Variants in SEC14L1 observed in about 807,000 individuals in gnomAD.
SEC14L1 encodes SEC14-like protein 1.
Under a neutral mutation model 85.3 loss-of-function variants are expected in SEC14L1, and 48 were observed. The ratio of observed to expected loss-of-function variants is 0.56; its 90% CI spans 0.45 to 0.72. The LOEUF (loss-of-function observed/expected upper bound fraction) is 0.72. Among genes scored for constraint, SEC14L1 ranks in the 30% least tolerant of loss-of-function variants. The pLI, the probability that SEC14L1 is intolerant of heterozygous loss-of-function variation, is 0.00. For missense variants in SEC14L1, 682 were observed against 921.4 expected (o/e 0.74, Z 3.36); for synonymous variants, 391 against 355.5 (o/e 1.10, Z -1.12).
chr17:77,205,540 G>GT (rs1976421337), intron 11 of SEC14L1, among the ~76,000 whole-genome samples, 194 bp downstream of exon 11: 1 of 152,194 alleles, frequency 6.6e-6, no homozygotes, highest in Non-Finnish European at 1.5e-5. Flanking sequence ...TTGCTGTGAC[G>GT]TCAGCCAGAG....
intron 3 of SEC14L1, among the ~76,000 whole-genome samples, chr17:77,125,541 C>T (rs928456910): frequency 3.3e-5 from 5 of 151,962 alleles, no homozygotes; most frequent in Admixed American, 6.6e-5. Flanking sequence ...CATTAAGAAT[C>T]ATCCAGGTTA....
chr17:77,132,219 G>A (rs1490060852), intron 3 of SEC14L1, among the ~76,000 whole-genome samples: 1 of 149,960 alleles, frequency 6.7e-6, no homozygotes, highest in African/African-American at 2.5e-5. Flanking sequence ...CCTTTATTCT[G>A]CATGGAATTT....
chr17:77,202,173 T>C (rs976084163), intron 9 of SEC14L1, among the ~76,000 whole-genome samples: 1 of 152,126 alleles, frequency 6.6e-6, no homozygotes, highest in Non-Finnish European at 1.5e-5. Context: ...CGGCACCCAT[T>C]AGACCTCCAG....
At chr17:77,205,471 T>G in intron 11 of SEC14L1, 125 bp downstream of exon 11, 1 of 839,004 alleles carries the variant, frequency 1.2e-6, no homozygotes, top group East Asian at 2.7e-5. Context: ...AGACAAGAAG[T>G]GAACATGTAA....
intron 5 of SEC14L1, among the ~76,000 whole-genome samples, chr17:77,192,692 T>TAA (rs1975605372): frequency 6.6e-6 from 1 of 151,838 alleles, no homozygotes; most frequent in Non-Finnish European, 1.5e-5. Context: ...GGATGGGATC[T>TAA]TGCCCTGTCG....
chr17:77,190,439 G>A (rs533666656), intron 3 of SEC14L1, among the ~76,000 whole-genome samples: 48 of 151,480 alleles, frequency 3.2e-4, no homozygotes, highest in African/African-American at 1.2e-3. Flanking sequence ...CTTAATACCG[G>A]GGTGACTGAT....
At position 77,146,699 on chromosome 17, in the gene SEC14L1, AAAAC is replaced by A. The variant is rs540370243; in HGVS notation, c.63+3054_63+3057del. Among the ~76,000 whole-genome samples the A allele has an allele frequency of 2.2e-3, 335 of 152,062 alleles. 1 individual carries two copies. The highest frequency in any genetic ancestry group is 5.6e-3 in the African/African-American group (234 of 41,444). On this transcript the variant is annotated intron_variant, in intron 3 of 16. Coordinates refer to ENST00000436233, the MANE Select transcript of SEC14L1 (RefSeq NM_001143998.2). ...GGAAATTTTCTTTTGAATTGTTAGA[AAAAC>A]AAACAAACAAACACACAGACGCACA... is the stretch of plus-strand genomic sequence containing the variant.
intron 3 of SEC14L1, among the ~76,000 whole-genome samples, chr17:77,159,359 A>G (rs1328434550): frequency 9.9e-5 from 13 of 131,086 alleles, no homozygotes; most frequent in African/African-American, 3.5e-4. Flanking sequence ...GAGCCACCAC[A>G]CCCGGCCTCT....
chr17:77,208,314 G>C (rs1041273107), intron 13 of SEC14L1, among the ~76,000 whole-genome samples: 2 of 152,180 alleles, frequency 1.3e-5, no homozygotes. Flanking sequence ...TTAAACCGCA[G>C]GCTCAGGTTC....
chr17:77,103,939 C>G (rs1049036787), intron 3 of SEC14L1, among the ~76,000 whole-genome samples: 2 of 151,344 alleles, frequency 1.3e-5, no homozygotes, highest in African/African-American at 4.9e-5. Context: ...CACTCGCTGA[C>G]CCTGCCACCT....
At chr17:77,140,768 C>T (rs1972964479), upstream of SEC14L1, 1 of 151,074 alleles carries the variant, frequency 6.6e-6, no homozygotes, top group Non-Finnish European at 1.5e-5. Flanking sequence ...CGAGCTCCTC[C>T]CACGCTCGCG....
intron 3 of SEC14L1, among the ~76,000 whole-genome samples, chr17:77,178,477 T>C (rs1974858484): frequency 1.3e-5 from 2 of 152,178 alleles, no homozygotes; most frequent in South Asian, 4.1e-4. Flanking sequence ...TCCTTTAGAA[T>C]TGTGTCACTG....
At chr17:77,181,542 G>T (rs1239906482) in intron 3 of SEC14L1, among the ~76,000 whole-genome samples, 4 of 152,212 alleles carry the variant, frequency 2.6e-5, no homozygotes, top group Admixed American at 2.6e-4. Flanking sequence ...CTCCTGAGTA[G>T]TTGGGATTAC....
At chr17:77,174,625 G>A (rs117157018) in intron 3 of SEC14L1, among the ~76,000 whole-genome samples, 1,828 of 152,194 alleles carry the variant, frequency 0.012, 21 homozygotes, top group South Asian at 0.046. Context: ...GGTGGGTCTC[G>A]ATCCCTAACC....
chr17:77,216,556 T>C lies in SEC14L1; in HGVS notation c.*2533T>C. The C allele has an allele frequency of 6.2e-7, 1 of 1,613,266 alleles. No homozygotes were observed. The highest frequency in any genetic ancestry group is 8.5e-7 in the Non-Finnish European group (1 of 1,179,434). ...TCTTTCTCTGTGTCTCAGATGGCGA[T>C]TTTGCTGACAGCTGCCAAGAAAATG... On this transcript the variant is annotated 3_prime_UTR_variant, in exon 17 of 17. Transcript: ENST00000436233.
At chr17:77,118,512 G>A (rs1972227851) in intron 3 of SEC14L1, among the ~76,000 whole-genome samples, 1 of 152,176 alleles carries the variant, frequency 6.6e-6, no homozygotes, top group Non-Finnish European at 1.5e-5. Flanking sequence ...GACTGTCCCC[G>A]AGCCTCATAC....
intron 15 of SEC14L1, chr17:77,212,871 G>GA (rs1448612021): frequency 6.7e-5 from 12 of 178,382 alleles, no homozygotes; most frequent in Admixed American, 6.1e-4. Flanking sequence ...AGAGAATGGA[G>GA]AAGGAGCTTT....
chr17:77,103,938 A>ACCCTGCCACCTGGCACGCCCTGC (rs1971843619), intron 3 of SEC14L1, among the ~76,000 whole-genome samples: 1 of 150,956 alleles, frequency 6.6e-6, no homozygotes, highest in Non-Finnish European at 1.5e-5. Flanking sequence ...GCACTCGCTG[A>ACCCTGCCACCTGGCACGCCCTGC]CCCTGCCACC....
At chr17:77,152,613 A>G (rs909471984) in intron 3 of SEC14L1, 3 of 152,014 alleles carry the variant, frequency 2.0e-5, no homozygotes, top group Admixed American at 6.6e-5. Flanking sequence ...GAAGTTTTCA[A>G]TGAGCAATAA....
Sources: gnomAD v4.1 joint callset for allele counts (sites outside exome capture counted in the v4.1 genomes callset) on GRCh38, gnomAD v4.1.1 for gene constraint, MANE v1.5 for transcripts, NCBI Gene and HGNC (gene_info 2026-07-23, HGNC 2026-07-21) for gene names.